Variants in GSG1L2 observed in about 807,000 individuals in gnomAD.
The protein encoded by GSG1L2 is GSG1 like 2.
A neutral mutation model predicts 9.0 loss-of-function variants in GSG1L2; 15 were observed. The ratio of observed to expected loss-of-function variants is 1.67; its 90% CI spans 1.12 to 2.57. GSG1L2 has a LOEUF of 2.57. Ranked by LOEUF, GSG1L2 falls within the 30% of genes most tolerant of loss-of-function variation. GSG1L2 has a pLI of 0.00. For missense variants in GSG1L2, 286 were observed against 150.3 expected, an observed-to-expected ratio of 1.90 and a Z score of -4.72; for synonymous variants, 127 against 57.9, an observed-to-expected ratio of 2.19 and a Z score of -5.41.
At chr17:9,814,449 C>T (rs1036381298) in intron 1 of GSG1L2, among the ~76,000 whole-genome samples, 2 of 152,102 alleles carry the variant, frequency 1.3e-5, no homozygotes, top group Non-Finnish European at 2.9e-5. Flanking sequence ...CTAAAGAGAA[C>T]TGCCTTTCCC....
At position 9,801,806 on chromosome 17, in the gene GSG1L2, T is replaced by C. The variant is rs73256731; in HGVS notation, c.*580A>G. Among the ~76,000 whole-genome samples, 3,375 of 152,298 alleles carry C rather than the reference T, an allele frequency of 0.022. 108 individuals are homozygous for C. Among genetic ancestry groups the C allele is most frequent in the African/African-American group, 0.064 (2,660 of 41,560 alleles). ...TTCATTTCTATCATTCGACTGTCCT[T>C]CCAAACTGATTTTACTATGAGTAGA... On this transcript the variant is annotated 3_prime_UTR_variant, in exon 5 of 5. Transcript: ENST00000399363.
chr17:9,816,436 CTCTGTGTGCGTGTG>C (rs1196770507), intron 1 of GSG1L2, among the ~76,000 whole-genome samples: 2 of 112,406 alleles, frequency 1.8e-5, no homozygotes, highest in African/African-American at 7.4e-5. Context: ...GCGTGTGTCT[CTCTGTGTGCGTGTG>C]TCTGTGTGTG....
intron 4 of GSG1L2, 84 bp from the exon 5 acceptor site, chr17:9,802,728 G>A (rs531026436): frequency 3.1e-6 from 2 of 652,506 alleles, no homozygotes; most frequent in African/African-American, 3.6e-5. Flanking sequence ...GGGTCAATCT[G>A]GAGAAAACAA....
At chr17:9,811,368 C>T (rs1457638857) in intron 1 of GSG1L2, among the ~76,000 whole-genome samples, 1 of 152,164 alleles carries the variant, frequency 6.6e-6, no homozygotes, top group African/African-American at 2.4e-5. Context: ...CCACCAGACT[C>T]ATTTATGTGC....
chr17:9,812,990 A>G (rs978789151), intron 1 of GSG1L2, among the ~76,000 whole-genome samples: 4 of 152,040 alleles, frequency 2.6e-5, no homozygotes, highest in Non-Finnish European at 4.4e-5. Flanking sequence ...CTAATTCCAT[A>G]CGTGAGGGCT....
chr17:9,807,666 G>A (rs564915791), intron 3 of GSG1L2, 65 bp from the exon 4 acceptor site: 1 of 700,398 alleles, frequency 1.4e-6, no homozygotes, highest in Admixed American at 2.0e-5. Flanking sequence ...TCTACGCGGT[G>A]TGAGTTGGCT....
intron 2 of GSG1L2, chr17:9,810,245 A>G (rs2152023223): frequency 2.4e-6 from 1 of 408,260 alleles, no homozygotes. Context: ...AGCTTATCTC[A>G]GAGCTCTGTG....
At chr17:9,808,681 A>G in intron 3 of GSG1L2, 149 bp downstream of exon 3, 1 of 571,282 alleles carries the variant, frequency 1.8e-6, no homozygotes, top group African/African-American at 1.9e-5. Flanking sequence ...AATGGAATTC[A>G]TTGGTGACTT....
intron 1 of GSG1L2, among the ~76,000 whole-genome samples, chr17:9,813,771 A>C (rs2066548743): frequency 6.6e-6 from 1 of 152,174 alleles, no homozygotes; most frequent in Non-Finnish European, 1.5e-5. Flanking sequence ...AATGTGTGGC[A>C]TTTACATCCA....
In GSG1L2 at chr17:9,800,807, G is replaced by C. The variant is rs1048922119; in HGVS notation, c.*1579C>G. ...GATGAAAAACCATATGAAAGAACCT[G>C]CACACTGCAAAGGGCAGAGGCTTGT... On this transcript the variant is annotated 3_prime_UTR_variant, in exon 5 of 5. Coordinates refer to ENST00000399363, the MANE Select transcript of GSG1L2 (RefSeq NM_001310219.2). Among the ~76,000 whole-genome samples, 1 of 152,182 alleles carries C rather than the reference G, an allele frequency of 6.6e-6. No homozygotes were observed. Among genetic ancestry groups the C allele is most frequent in the Non-Finnish European group, 1.5e-5 (1 of 68,036 alleles).
At chr17:9,812,345 C>G (rs1402896150) in intron 1 of GSG1L2, among the ~76,000 whole-genome samples, 1 of 152,126 alleles carries the variant, frequency 6.6e-6, no homozygotes, top group African/African-American at 2.4e-5. Flanking sequence ...CCTATTTCCC[C>G]TAGCATCAAG....
Position 9,807,527 on chromosome 17 carries a change from A to C in GSG1L2, c.586T>G (p.Trp196Gly). Residue 196 changes from tryptophan (W) to glycine (G), a missense_variant, in exon 4 of 5, where the codon TGG (tryptophan) becomes GGG (glycine). Trp to Gly is a radical substitution (Grantham distance 184, BLOSUM62 -2). Coordinates refer to ENST00000399363, the MANE Select transcript of GSG1L2 (RefSeq NM_001310219.2). ...QITVNLGPED[W>G]KPQTWDYGWS... is the part of the protein sequence containing the mutation. The stretch of plus-strand genomic sequence containing the variant: ...CCATAGTCCCAGGTCTGAGGCTTCC[A>C]ATCTTCTGGTCCAAGGTTCACAGTG... 1 of 703,082 alleles carries C rather than the reference A, an allele frequency of 1.4e-6. No homozygotes were observed. Among genetic ancestry groups the C allele is most frequent in the Admixed American group, 2.0e-5 (1 of 50,012 alleles). The allele number at this position is 703,082 out of a possible 1,614,324, so 43.6% of individuals were successfully genotyped here.
Position 9,808,355 on chromosome 17 carries a change from T to C in GSG1L2, c.511+475A>G, listed in dbSNP as rs985821509. Reference sequence around the variant, plus strand: ...TATTTGTACCAAATGTTGATACTTTTTTTAAAACTACCATGTATTACTTCT... The same window carrying C: ...TATTTGTACCAAATGTTGATACTTTCTTTAAAACTACCATGTATTACTTCT... On this transcript the variant is annotated intron_variant, in intron 3 of 4. Transcript: ENST00000399363. Among the ~76,000 whole-genome samples, 7 of 152,346 alleles carry C rather than the reference T, an allele frequency of 4.6e-5. No individual in the cohort carries two copies. The East Asian group carries it at 1.4e-3, about 29-fold the overall frequency.
chr17:9,813,789 T>G (rs2066548846), intron 1 of GSG1L2, among the ~76,000 whole-genome samples: 1 of 152,224 alleles, frequency 6.6e-6, no homozygotes, highest in African/African-American at 2.4e-5. Context: ...CCACAACGCC[T>G]GGCATCTCTG....
intron 1 of GSG1L2, among the ~76,000 whole-genome samples, chr17:9,816,370 C>CTCTGTG (rs1567711148): frequency 3.3e-5 from 4 of 122,890 alleles, no homozygotes; most frequent in African/African-American, 6.2e-5. Flanking sequence ...ATGCGTGTGT[C>CTCTGTG]TGTGTGTGTG....
intron 3 of GSG1L2, 62 bp from the exon 4 acceptor site, chr17:9,807,663 G>T (rs371602190): frequency 2.9e-6 from 2 of 700,220 alleles, no homozygotes; most frequent in Non-Finnish European, 2.6e-6. Flanking sequence ...AACTCTACGC[G>T]GTGTGAGTTG....
intron 1 of GSG1L2, among the ~76,000 whole-genome samples, chr17:9,818,922 C>G (rs987016119): frequency 1.8e-4 from 27 of 152,156 alleles, no homozygotes; most frequent in African/African-American, 6.5e-4. Flanking sequence ...GATCCTTGCT[C>G]TCAGCACTGG....
intron 4 of GSG1L2, 108 bp downstream of exon 4, chr17:9,807,382 C>T: frequency 1.5e-6 from 1 of 661,874 alleles, no homozygotes; most frequent in Non-Finnish European, 2.8e-6. Context: ...ACAATACTGG[C>T]AGATGCCAGC....
chr17:9,802,701 T>C (rs758606894), intron 4 of GSG1L2, 57 bp from the exon 5 acceptor site: 37 of 679,586 alleles, frequency 5.4e-5, no homozygotes, highest in Non-Finnish European at 9.4e-5. Context: ...CAGGACTTCC[T>C]GTTTTCTCCA....
Sources: allele counts gnomAD v4.1 joint callset (sites outside exome capture counted in the v4.1 genomes callset), GRCh38; gene constraint gnomAD v4.1.1; transcripts MANE v1.5; gene names NCBI Gene and HGNC (gene_info 2026-07-23, HGNC 2026-07-21).